The following KCNH8 variants were observed in gnomAD, a reference collection of about 807,000 sequenced individuals.
The protein encoded by KCNH8 is voltage-gated delayed rectifier potassium channel KCNH8.
A neutral mutation model predicts 103.6 loss-of-function variants in KCNH8; 70 were observed. The ratio of observed to expected loss-of-function variants is 0.68; its 90% CI spans 0.56 to 0.82. The LOEUF is 0.82. KCNH8 is among the 40% of genes least tolerant of loss of function. The pLI, the probability that KCNH8 is intolerant of heterozygous loss-of-function variation, is 0.00. For missense variants in KCNH8, 1,217 were observed against 1,329.9 expected (o/e 0.92, Z 1.32); for synonymous variants, 498 against 489.4 (o/e 1.02, Z -0.23).
intron 11 of KCNH8, among the ~76,000 whole-genome samples, chr3:19,499,939 A>G (rs1575145950): frequency 1.3e-5 from 2 of 152,176 alleles, no homozygotes; most frequent in Non-Finnish European, 2.9e-5. Flanking sequence ...ACACATAACA[A>G]TATTAACTTT....
intron 3 of KCNH8, among the ~76,000 whole-genome samples, chr3:19,332,555 T>A (rs1364870861): frequency 6.6e-6 from 1 of 152,226 alleles, no homozygotes; most frequent in Non-Finnish European, 1.5e-5. Flanking sequence ...ATTGCTCACT[T>A]GTATGTTAAG....
chr3:19,150,579 G>A (rs1159383938), intron 1 of KCNH8, among the ~76,000 whole-genome samples: 2 of 152,108 alleles, frequency 1.3e-5, no homozygotes, highest in African/African-American at 4.8e-5. Context: ...TCATCAGCGT[G>A]GAAATATCTT....
intron 11 of KCNH8, among the ~76,000 whole-genome samples, chr3:19,497,466 A>G (rs1174928645): frequency 6.6e-6 from 1 of 152,132 alleles, no homozygotes; most frequent in Non-Finnish European, 1.5e-5. Context: ...TTAGTTTCAA[A>G]TAACTTTTTG....
At chr3:19,323,855 C>A (rs1226104817) in intron 3 of KCNH8, among the ~76,000 whole-genome samples, 1 of 152,172 alleles carries the variant, frequency 6.6e-6, no homozygotes, top group South Asian at 2.1e-4. Context: ...TGATGTGATT[C>A]GTCTTCAGGT....
At chr3:19,195,837 T>G (rs2063595528) in intron 1 of KCNH8, among the ~76,000 whole-genome samples, 1 of 151,956 alleles carries the variant, frequency 6.6e-6, no homozygotes, top group Non-Finnish European at 1.5e-5. Flanking sequence ...TACTCGTCAT[T>G]TCTTTCAGAA....
chr3:19,212,613 T>A (rs1362493294), intron 1 of KCNH8, among the ~76,000 whole-genome samples: 1 of 151,044 alleles, frequency 6.6e-6, no homozygotes, highest in Non-Finnish European at 1.5e-5. Context: ...ACTGTTTGAA[T>A]TGAGCTAAAT....
intron 2 of KCNH8, among the ~76,000 whole-genome samples, chr3:19,261,597 G>A (rs1398899205): frequency 1.3e-5 from 2 of 151,592 alleles, no homozygotes; most frequent in Non-Finnish European, 3.0e-5. Flanking sequence ...TTTTTAGTTT[G>A]ACGTAGTCCT....
At chr3:19,439,097 T>C (rs2067241676) in intron 8 of KCNH8, among the ~76,000 whole-genome samples, 1 of 152,022 alleles carries the variant, frequency 6.6e-6, no homozygotes, top group South Asian at 2.1e-4. Context: ...TGAAAGAGGG[T>C]GGTTGATTCA....
At chr3:19,282,964 A>C (rs576667348) in intron 3 of KCNH8, among the ~76,000 whole-genome samples, 2 of 152,252 alleles carry the variant, frequency 1.3e-5, no homozygotes, top group South Asian at 4.1e-4. Context: ...AGTTTTAGGC[A>C]AAGTTGCCCC....
chr3:19,362,507 A>T (rs1247293967), intron 5 of KCNH8, among the ~76,000 whole-genome samples: 1 of 152,048 alleles, frequency 6.6e-6, no homozygotes, highest in Non-Finnish European at 1.5e-5. Context: ...AAATTTTATG[A>T]TTTGCATTTA....
intron 11 of KCNH8, among the ~76,000 whole-genome samples, chr3:19,496,514 G>T (rs950604928): frequency 6.6e-6 from 1 of 152,056 alleles, no homozygotes; most frequent in Non-Finnish European, 1.5e-5. Flanking sequence ...TGTGTATGTT[G>T]AACCAACTTT....
intron 12 of KCNH8, among the ~76,000 whole-genome samples, chr3:19,510,613 T>C (rs1293536585): frequency 6.6e-6 from 1 of 152,230 alleles, no homozygotes; most frequent in East Asian, 1.9e-4. Flanking sequence ...ATAGTTATTG[T>C]TATAAAGCAG....
chr3:19,534,117 C>G lies in KCNH8; in HGVS notation c.*18C>G. The G allele has an allele frequency of 6.4e-7, 1 of 1,572,894 alleles. No individual in the cohort carries two copies. Among genetic ancestry groups the G allele is most frequent in the Non-Finnish European group, 8.7e-7 (1 of 1,147,098 alleles). The stretch of plus-strand genomic sequence containing the variant: ...ATGTATGATATTAGTGCCCATGATG[C>G]AGCAGCTAATTTCAAACCTACCACT... On this transcript the variant is annotated 3_prime_UTR_variant, in exon 16 of 16. Transcript: ENST00000328405.
At chr3:19,489,895 G>A (rs1363215158) in intron 11 of KCNH8, among the ~76,000 whole-genome samples, 1 of 152,188 alleles carries the variant, frequency 6.6e-6, no homozygotes, top group Non-Finnish European at 1.5e-5. Context: ...GCCAGTACAG[G>A]CACGTCGTGG....
At chr3:19,228,926 A>T (rs2063963473) in intron 1 of KCNH8, among the ~76,000 whole-genome samples, 2 of 152,386 alleles carry the variant, frequency 1.3e-5, no homozygotes, top group South Asian at 4.1e-4. Flanking sequence ...TCAGAAGTAA[A>T]ATAACCACTG....
rs1559375781 is a variant in KCNH8 at position 19,534,020 on chromosome 3, CA to C, written c.3249del (p.Lys1083AsnfsTer17). 7 of 1,614,174 alleles carry C rather than the reference CA, an allele frequency of 4.3e-6. No homozygotes were observed. Among genetic ancestry groups the C allele is most frequent in the African/African-American group, 2.7e-5 (2 of 75,052 alleles). On this transcript the variant is annotated frameshift_variant, in exon 16 of 16. Transcript: ENST00000328405. LOFTEE classifies it high-confidence loss of function. ...WNQEGMASAS[T>X]KPLENLPLEV... ...CAGGAAGGAATGGCATCAGCTTCTA[CA>C]AAACCTTTGGAGAACCTTCCACTGG...
chr3:19,491,749 G>A (rs763200280), intron 11 of KCNH8, among the ~76,000 whole-genome samples: 18 of 152,202 alleles, frequency 1.2e-4, no homozygotes, highest in Middle Eastern at 3.4e-3. Context: ...CGTTTTTTGC[G>A]AAATCTCCAA....
intron 11 of KCNH8, among the ~76,000 whole-genome samples, chr3:19,497,723 G>A (rs1281194491): frequency 6.6e-6 from 1 of 152,088 alleles, no homozygotes; most frequent in Non-Finnish European, 1.5e-5. Context: ...CTGTTGTTTT[G>A]GGTGGAGAGT....
chr3:19,391,388 T>C (rs930058464), intron 6 of KCNH8, among the ~76,000 whole-genome samples: 3 of 152,072 alleles, frequency 2.0e-5, no homozygotes, highest in Non-Finnish European at 2.9e-5. Flanking sequence ...AGGGAGGCCA[T>C]TTGTGAAGCA....
Sources: gnomAD v4.1 joint callset for allele counts (sites outside exome capture counted in the v4.1 genomes callset) on GRCh38, gnomAD v4.1.1 for gene constraint, MANE v1.5 for transcripts, NCBI Gene and HGNC (gene_info 2026-07-23, HGNC 2026-07-21) for gene names.